The following EBF1 variants were observed in gnomAD, a reference collection of about 807,000 sequenced individuals.
EBF1 encodes transcription factor COE1.
A neutral mutation model predicts 68.4 loss-of-function variants in EBF1; 10 were observed. That is an observed-to-expected ratio of 0.15 (90% CI 0.09 to 0.25). EBF1 has a LOEUF of 0.25. EBF1 is among the 10% of genes least tolerant of loss of function. The probability of loss-of-function intolerance (pLI) is 1.00; values close to 1 mark genes in which losing one functional copy is unlikely to be tolerated. For missense variants in EBF1, 509 were observed against 794.4 expected (o/e 0.64, Z 4.32); for synonymous variants, 298 against 299.8 (o/e 0.99, Z 0.06).
chr5:158,852,287 A>G (rs1793107051), intron 6 of EBF1, among the ~76,000 whole-genome samples: 1 of 152,090 alleles, frequency 6.6e-6, no homozygotes, highest in South Asian at 2.1e-4. Flanking sequence ...ACTATTTTAA[A>G]TAATCATTAC....
rs1773983864 is a variant in EBF1 at position 158,772,058 on chromosome 5, G to A, written c.1036+5355C>T. Among the ~76,000 whole-genome samples the A allele has an allele frequency of 4.6e-5, 7 of 152,258 alleles. No homozygotes were observed. In the South Asian group the frequency reaches 1.0e-3, roughly 23 times the overall value. On this transcript the variant is annotated intron_variant, in intron 10 of 15. Transcript: ENST00000313708. ...TGGAGCATCATAAGCCCTAGCCCCA[G>A]AGCACAGTGAGCCAAACTCGGGACT...
chr5:158,961,250 A>G (rs1818133289), intron 6 of EBF1, among the ~76,000 whole-genome samples: 1 of 152,206 alleles, frequency 6.6e-6, no homozygotes, highest in Non-Finnish European at 1.5e-5. Context: ...AGGGCAATTT[A>G]GCCACATATA....
chr5:158,895,753 G>A (rs1802053471), intron 6 of EBF1, among the ~76,000 whole-genome samples: 1 of 152,184 alleles, frequency 6.6e-6, no homozygotes, highest in Non-Finnish European at 1.5e-5. Flanking sequence ...GATCCCTTGA[G>A]GCAGAAGTGG....
chr5:158,843,329 T>C (rs1790709122), intron 6 of EBF1, among the ~76,000 whole-genome samples: 1 of 152,136 alleles, frequency 6.6e-6, no homozygotes, highest in Non-Finnish European at 1.5e-5. Context: ...CCAAAATGAA[T>C]TTTGAAAGAC....
At chr5:159,084,056 C>A (rs1396433656) in intron 5 of EBF1, among the ~76,000 whole-genome samples, 1 of 152,100 alleles carries the variant, frequency 6.6e-6, no homozygotes, top group East Asian at 1.9e-4. Flanking sequence ...GAATTTTATG[C>A]CTTTTAGGGA....
At chr5:159,057,424 G>A (rs891489480) in intron 6 of EBF1, among the ~76,000 whole-genome samples, 3 of 152,136 alleles carry the variant, frequency 2.0e-5, no homozygotes, top group Admixed American at 6.5e-5. Flanking sequence ...TATAATTTCT[G>A]AGAAACAATT....
intron 6 of EBF1, among the ~76,000 whole-genome samples, chr5:158,916,237 TGAC>T (rs1488521985): frequency 2.0e-5 from 3 of 152,164 alleles, no homozygotes; most frequent in Non-Finnish European, 2.9e-5. Flanking sequence ...GCAGGACAAG[TGAC>T]CCTGTCATGG....
At chr5:158,932,725 T>TCAAGCC (rs1235015299) in intron 6 of EBF1, among the ~76,000 whole-genome samples, 1 of 152,218 alleles carries the variant, frequency 6.6e-6, no homozygotes, top group Non-Finnish European at 1.5e-5. Context: ...TTAGCCACAT[T>TCAAGCC]CAAGCCCAGA....
intron 6 of EBF1, among the ~76,000 whole-genome samples, chr5:159,021,400 C>T (rs1321867250): frequency 6.6e-6 from 1 of 152,200 alleles, no homozygotes; most frequent in Non-Finnish European, 1.5e-5. Flanking sequence ...ACAGAATTCT[C>T]ATTGGCATTC....
chr5:158,712,970 C>A lies in EBF1; in HGVS notation c.1369G>T (p.Gly457Cys). 6.8e-7 allele frequency: 1 copy of A among 1,480,768 alleles called. No homozygotes were observed. Among genetic ancestry groups the A allele is most frequent in the Non-Finnish European group, 9.0e-7 (1 of 1,105,966 alleles). 91.7% of individuals were successfully genotyped at this position (1,480,768 alleles called of 1,614,324 possible). A position where few individuals can be genotyped will look rare whatever the true frequency, so the allele number is the denominator to read the frequency against. Residue 457 changes from glycine (G) to cysteine (C), a missense_variant and splice_region_variant, in exon 13 of 16, where the codon GGT (glycine) becomes TGT (cysteine). Gly to Cys is a radical substitution (Grantham distance 159). Around this residue, in one of 3 missense-constraint regions of EBF1, gnomAD observed 205 missense variants for 247.4 expected, o/e 0.83. Coordinates refer to ENST00000313708, the MANE Select transcript of EBF1 (RefSeq NM_024007.5). ...GGGAAGAGAAAAGCAAGCTTCTGAC[C>A]CTGATTGGTGGCTTGTGATGCCTCG... ...VSEASQATNQ[G>C]FTRNSSSVSP...
chr5:159,055,856 C>T (rs1044699475), intron 6 of EBF1, among the ~76,000 whole-genome samples: 1 of 152,052 alleles, frequency 6.6e-6, no homozygotes, highest in South Asian at 2.1e-4. Context: ...TGGGGCAGTC[C>T]CCAATCTGGG....
At chr5:159,074,524 G>A (rs748708804) in intron 5 of EBF1, among the ~76,000 whole-genome samples, 26 of 152,122 alleles carry the variant, frequency 1.7e-4, no homozygotes, top group African/African-American at 2.9e-4. Context: ...ACACACATAC[G>A]CGCACACTTA....
intron 6 of EBF1, among the ~76,000 whole-genome samples, chr5:159,027,140 T>G (rs1296861917): frequency 6.6e-6 from 1 of 152,172 alleles, no homozygotes; most frequent in African/African-American, 2.4e-5. Flanking sequence ...AGTGCCACTA[T>G]GTAGCCTGAT....
intron 8 of EBF1, among the ~76,000 whole-genome samples, chr5:158,808,002 T>C (rs1781919689): frequency 6.6e-6 from 1 of 152,192 alleles, no homozygotes; most frequent in South Asian, 2.1e-4. Context: ...ATTGCTAACA[T>C]ATTTCAGTGA....
chr5:158,799,983 C>A (rs551374576), intron 8 of EBF1, among the ~76,000 whole-genome samples: 1 of 152,168 alleles, frequency 6.6e-6, no homozygotes. Flanking sequence ...CACAACACAA[C>A]TGCCAGGCTA....
At chr5:158,883,032 G>A (rs1799187183) in intron 6 of EBF1, among the ~76,000 whole-genome samples, 1 of 151,828 alleles carries the variant, frequency 6.6e-6, no homozygotes, top group East Asian at 1.9e-4. Flanking sequence ...TGGAAGAGGA[G>A]ACAATCCCCA....
chr5:158,896,717 T>A (rs953806804), intron 6 of EBF1, among the ~76,000 whole-genome samples: 6 of 152,218 alleles, frequency 3.9e-5, no homozygotes, highest in African/African-American at 7.2e-5. Context: ...GATCTCACCA[T>A]CTTCTTTCAT....
At chr5:158,955,259 G>T (rs776655096) in intron 6 of EBF1, among the ~76,000 whole-genome samples, 4 of 152,024 alleles carry the variant, frequency 2.6e-5, no homozygotes, top group Non-Finnish European at 4.4e-5. Flanking sequence ...GGAGGCAGGG[G>T]TTGTAGTGAG....
chr5:158,846,895 TG>T (rs1437271765), intron 6 of EBF1, among the ~76,000 whole-genome samples: 1 of 151,760 alleles, frequency 6.6e-6, no homozygotes, highest in Non-Finnish European at 1.5e-5. Context: ...GTTTGAGAGG[TG>T]GGGTGGGCAG....
Sources: allele counts gnomAD v4.1 joint callset (sites outside exome capture counted in the v4.1 genomes callset), GRCh38; gene constraint gnomAD v4.1.1; regional missense constraint gnomAD v4.1.1; transcripts MANE v1.5; gene names NCBI Gene and HGNC (gene_info 2026-07-23, HGNC 2026-07-21).